MYO16: variants seen among roughly 807,000 people sequenced by gnomAD.
MYO16 encodes the protein myosin XVI.
MYO16 carries 94 observed loss-of-function variants against 205.3 expected under a neutral mutation model. The observed-to-expected ratio is 0.46, with a 90% confidence interval of 0.39 to 0.54. The LOEUF (loss-of-function observed/expected upper bound fraction) is 0.54. Among genes scored for constraint, MYO16 ranks in the 20% least tolerant of loss-of-function variants. The pLI, the probability that MYO16 is intolerant of heterozygous loss-of-function variation, is 0.00. For missense variants in MYO16, 2,315 were observed against 2,387.5 expected (o/e 0.97, Z 0.63); for synonymous variants, 988 against 954.0 (o/e 1.04, Z -0.66).
rs200414713 is a variant in MYO16, at chr13:108,658,459, T to TGTGTGC, written c.29-7427_29-7426insGTGTGC. Among the ~76,000 whole-genome samples the TGTGTGC allele has an allele frequency of 3.7e-4, 55 of 150,636 alleles. 1 individual carries two copies. The East Asian group carries it at 7.4e-3, about 20-fold the overall frequency. On this transcript the variant is annotated intron_variant, in intron 1 of 34. Coordinates refer to ENST00000457511, the MANE Select transcript of MYO16 (RefSeq NM_001198950.3). ...GTGTGTGTGTGTGTGTGTGTGTGTGTTTTCTAAATTCATGTGCCAGATACT... is the reference window on the plus strand; with the variant it reads ...GTGTGTGTGTGTGTGTGTGTGTGTGTGTGTGCTTTCTAAATTCATGTGCCAGATACT...
At chr13:108,629,154 T>G (rs1479470886), upstream of MYO16, 2 of 152,168 alleles carry the variant, frequency 1.3e-5, no homozygotes, top group Non-Finnish European at 2.9e-5. Context: ...ATAATTTAAG[T>G]TTTACATTCT....
intron 10 of MYO16, among the ~76,000 whole-genome samples, chr13:108,848,228 A>G (rs1042379191): frequency 6.6e-6 from 1 of 152,206 alleles, no homozygotes; most frequent in African/African-American, 2.4e-5. Flanking sequence ...TTGCCAGAGC[A>G]GTAGTCTTCT....
chr13:108,790,793 T>G (rs1886594292), intron 5 of MYO16, among the ~76,000 whole-genome samples: 2 of 152,230 alleles, frequency 1.3e-5, no homozygotes, highest in Non-Finnish European at 2.9e-5. Flanking sequence ...TCCCCTGTGA[T>G]GTCTTCACAA....
At position 108,883,103 on chromosome 13, in the gene MYO16, G is replaced by T. The variant is rs372836451; in HGVS notation, c.1470G>T (p.Ser490=). ...YFSSSGKLCS[S]LPPHLFSCVE... The stretch of plus-strand genomic sequence containing the variant: ...GCTCCTCAGGGAAGCTGTGTTCCTC[G>T]CTGCCTCCTCACCTCTTCTCCTGTG... Residue 490 remains serine, a synonymous_variant, in exon 13 of 35, where the codon TCG becomes TCT. Transcript: ENST00000457511. The T allele has an allele frequency of 6.2e-6, 10 of 1,613,876 alleles. No individual in the cohort carries two copies. In the African/African-American group the frequency reaches 1.2e-4, roughly 19 times the overall value.
the MYO16 span, among the ~76,000 whole-genome samples, chr13:108,567,787 A>G: frequency 0.044 from 6,677 of 152,200 alleles, 440 homozygotes; most frequent in African/African-American, 0.15. Flanking sequence ...AACAATCACC[A>G]CAATCATCAC....
intron 20 of MYO16, among the ~76,000 whole-genome samples, chr13:108,978,618 T>TTTTCATTA (rs1884353454): frequency 6.6e-6 from 1 of 152,082 alleles, no homozygotes; most frequent in Non-Finnish European, 1.5e-5. Flanking sequence ...CTAGTCTTTA[T>TTTTCATTA]TTATGTTCGC....
In MYO16 at chr13:108,757,490, T is replaced by TA. The variant is rs34128198; in HGVS notation, c.508-28143dup. On this transcript the variant is annotated intron_variant, in intron 4 of 34. Coordinates refer to ENST00000457511, the MANE Select transcript of MYO16 (RefSeq NM_001198950.3). ...CAAGCTAGTTTTTTGGGGTTTTTTT[T>TA]AATTATACTTTAAGTTTTAGGGTAC... is the stretch of plus-strand genomic sequence containing the variant. Among the ~76,000 whole-genome samples the TA allele has an allele frequency of 5.3e-5, 8 of 151,796 alleles. No homozygotes were observed. The East Asian group carries it at 5.9e-4, about 11-fold the overall frequency.
chr13:108,685,576 T>C (rs568438918), intron 2 of MYO16, among the ~76,000 whole-genome samples: 1 of 152,318 alleles, frequency 6.6e-6, no homozygotes, highest in Non-Finnish European at 1.5e-5. Context: ...TTGTTCTTGT[T>C]ATACAAGGAA....
intron 4 of MYO16, among the ~76,000 whole-genome samples, chr13:108,760,620 T>C (rs1885574147): frequency 6.6e-6 from 1 of 152,198 alleles, no homozygotes; most frequent in African/African-American, 2.4e-5. Context: ...TTTAAAGTCC[T>C]TTAGCCATTA....
intron 28 of MYO16, among the ~76,000 whole-genome samples, chr13:109,119,074 T>C (rs1039050112): frequency 6.6e-6 from 1 of 152,208 alleles, no homozygotes; most frequent in South Asian, 2.1e-4. Flanking sequence ...CAACAGATCA[T>C]GTAAGGGAAG....
chr13:108,713,937 A>G (rs536510394), intron 3 of MYO16, among the ~76,000 whole-genome samples: 11 of 152,296 alleles, frequency 7.2e-5, no homozygotes, highest in African/African-American at 2.4e-4. Context: ...ATGTCTCATT[A>G]GTCCCTAGAT....
At chr13:108,995,334 C>T (rs767415659) in intron 21 of MYO16, among the ~76,000 whole-genome samples, 8 of 152,116 alleles carry the variant, frequency 5.3e-5, no homozygotes, top group East Asian at 1.9e-4. Flanking sequence ...TGACCTAAAT[C>T]GCCTCCCAAA....
At chr13:108,793,998 G>A (rs1414660860) in intron 6 of MYO16, among the ~76,000 whole-genome samples, 1 of 152,202 alleles carries the variant, frequency 6.6e-6, no homozygotes, top group African/African-American at 2.4e-5. Context: ...CTACACAGCT[G>A]TGAAAAGAAC....
At chr13:108,690,139 T>C (rs1346596068) in intron 2 of MYO16, among the ~76,000 whole-genome samples, 1 of 152,100 alleles carries the variant, frequency 6.6e-6, no homozygotes, top group African/African-American at 2.4e-5. Flanking sequence ...GTGGATACCA[T>C]GCAAAACAAA....
chr13:109,068,683 C>A (rs1887831658), intron 27 of MYO16, among the ~76,000 whole-genome samples: 1 of 151,934 alleles, frequency 6.6e-6, no homozygotes, highest in South Asian at 2.1e-4. Flanking sequence ...CCTCCACCTC[C>A]CGAGTTCAAG....
At chr13:108,917,196 T>G (rs1054828175) in intron 16 of MYO16, among the ~76,000 whole-genome samples, 1 of 152,084 alleles carries the variant, frequency 6.6e-6, no homozygotes, top group Non-Finnish European at 1.5e-5. Flanking sequence ...CCCCCTAACT[T>G]AAGAGCAACT....
chr13:108,591,518 TTTC>T (rs1878399070), upstream of MYO16, among the ~76,000 whole-genome samples: 1 of 152,216 alleles, frequency 6.6e-6, no homozygotes, highest in Non-Finnish European at 1.5e-5. Flanking sequence ...CTTTGGTTCT[TTTC>T]TTCTTTCTTT....
chr13:108,874,051 C>T lies in MYO16; in HGVS notation c.1425+7809C>T, dbSNP rs551347787. On this transcript the variant is annotated intron_variant, in intron 12 of 34. Transcript: ENST00000457511. ...TACTTACAGTGTCCTCATCCTTGAG[C>T]ACTGTGTAGACATGCTAGAGACAAA... Among the ~76,000 whole-genome samples, 80 of 152,316 alleles carry T rather than the reference C, an allele frequency of 5.3e-4. 1 individual carries two copies. Among genetic ancestry groups the T allele is most frequent in the African/African-American group, 1.9e-3 (77 of 41,578 alleles).
the MYO16 span, among the ~76,000 whole-genome samples, chr13:108,537,316 C>A: frequency 5.3e-5 from 8 of 152,204 alleles, no homozygotes; most frequent in South Asian, 1.4e-3. Context: ...CATGATGCTG[C>A]AAATGACATG....
Sources: allele counts gnomAD v4.1 joint callset (sites outside exome capture counted in the v4.1 genomes callset), GRCh38; gene constraint gnomAD v4.1.1; transcripts MANE v1.5; gene names NCBI Gene and HGNC (gene_info 2026-07-23, HGNC 2026-07-21).